MMP26: variants seen among roughly 807,000 people sequenced by gnomAD.
MMP26 encodes matrix metallopeptidase 26.
MMP26 carries 33 observed loss-of-function variants against 31.0 expected under a neutral mutation model. That is an observed-to-expected ratio of 1.06 (90% CI 0.81 to 1.42). The LOEUF (loss-of-function observed/expected upper bound fraction) is 1.42. Ranked by LOEUF, MMP26 falls within the 40% of genes most tolerant of loss-of-function variation. MMP26 has a pLI of 0.00. For synonymous variants in MMP26, 122 were observed against 114.9 expected, an observed-to-expected ratio of 1.06 and a Z score of -0.40; for missense variants, 347 against 316.1, an observed-to-expected ratio of 1.10 and a Z score of -0.74.
At chr11:4,710,017 T>C (rs776777024) in intron 1 of MMP26, 7 of 456,804 alleles carry the variant, frequency 1.5e-5, no homozygotes, top group South Asian at 1.1e-4. Context: ...GGCTTTGCAA[T>C]TGTTCTTAGG....
chr11:4,851,281 G>A (rs1849972235), intron 2 of MMP26, among the ~76,000 whole-genome samples: 1 of 152,200 alleles, frequency 6.6e-6, no homozygotes, highest in Non-Finnish European at 1.5e-5. Context: ...TCGTGAGGCA[G>A]CTTCCGTGAT....
At chr11:4,943,623 A>C (rs1187623360) in intron 2 of MMP26, 1 of 372,428 alleles carries the variant, frequency 2.7e-6, no homozygotes, top group East Asian at 7.4e-5. Context: ...CCACACCCCC[A>C]GGTTGCAACA....
At chr11:4,786,346 G>T (rs1848943700) in intron 2 of MMP26, among the ~76,000 whole-genome samples, 2 of 152,096 alleles carry the variant, frequency 1.3e-5, no homozygotes, top group African/African-American at 4.8e-5. Context: ...TGGAGACTTT[G>T]CCTGGTTCCC....
chr11:4,832,235 C>G (rs1307666381), intron 2 of MMP26: 1 of 191,516 alleles, frequency 5.2e-6, no homozygotes, highest in Non-Finnish European at 1.1e-5. Flanking sequence ...CCCCATCTGC[C>G]TTATGTACCT....
chr11:4,988,413 C>T (rs1239456590), intron 3 of MMP26, 103 bp downstream of exon 3: 3 of 842,120 alleles, frequency 3.6e-6, no homozygotes, highest in Non-Finnish European at 6.3e-6. Flanking sequence ...GATAAATACA[C>T]ACATTAATAT....
At chr11:4,940,895 C>G (rs900417926) in intron 2 of MMP26, among the ~76,000 whole-genome samples, 2 of 152,112 alleles carry the variant, frequency 1.3e-5, no homozygotes, top group African/African-American at 4.8e-5. Context: ...CAAAAGAGAT[C>G]AGATCATTAA....
chr11:4,773,807 G>A (rs1187183797), intron 2 of MMP26, among the ~76,000 whole-genome samples: 5 of 151,786 alleles, frequency 3.3e-5, no homozygotes, highest in East Asian at 1.9e-4. Context: ...ACCCCCTGAC[G>A]GGCCCCAGTG....
intron 2 of MMP26, among the ~76,000 whole-genome samples, chr11:4,800,478 C>T (rs575195391): frequency 2.0e-4 from 30 of 152,284 alleles, no homozygotes; most frequent in Middle Eastern, 3.4e-3. Flanking sequence ...GCCCCCAAAA[C>T]CATTTTTTTC....
At chr11:4,882,360 CA>C in intron 2 of MMP26, 1 of 1,613,852 alleles carries the variant, frequency 6.2e-7, no homozygotes, top group African/African-American at 1.3e-5. Flanking sequence ...TGCATTAGAC[CA>C]GCAGTTTTCT....
intron 2 of MMP26, among the ~76,000 whole-genome samples, chr11:4,970,923 A>G (rs769936514): frequency 2.0e-5 from 3 of 152,184 alleles, no homozygotes; most frequent in Non-Finnish European, 4.4e-5. Context: ...ATGCAACAGC[A>G]TGCGGCCTGG....
chr11:4,771,700 A>G (rs1848723274), intron 2 of MMP26, among the ~76,000 whole-genome samples: 1 of 152,222 alleles, frequency 6.6e-6, no homozygotes, highest in Admixed American at 6.5e-5. Flanking sequence ...AATATTCTGT[A>G]GCAAGGATAC....
At chr11:4,728,741 A>G (rs1265521713) in intron 1 of MMP26, among the ~76,000 whole-genome samples, 1 of 152,040 alleles carries the variant, frequency 6.6e-6, no homozygotes, top group East Asian at 1.9e-4. Context: ...GGTAAACACT[A>G]TTCTGAAAGT....
chr11:4,928,321 C>T (rs958316836), intron 2 of MMP26, among the ~76,000 whole-genome samples: 1 of 152,120 alleles, frequency 6.6e-6, no homozygotes, highest in African/African-American at 2.4e-5. Context: ...TTCTTCATTA[C>T]CATTGGCCAT....
chr11:4,848,986 T>C, intron 2 of MMP26: 1 of 1,614,048 alleles, frequency 6.2e-7, no homozygotes, highest in East Asian at 2.2e-5. Flanking sequence ...TCAGACACAC[T>C]AAGCAAGAAG....
At chr11:4,851,653 A>G (rs1849977291) in intron 2 of MMP26, among the ~76,000 whole-genome samples, 1 of 151,916 alleles carries the variant, frequency 6.6e-6, no homozygotes, top group Non-Finnish European at 1.5e-5. Flanking sequence ...ATATGTATGT[A>G]TATATATTAT....
rs543991424 is a variant in MMP26, at chr11:4,852,714, G to A, written c.-145+85373G>A. Among the ~76,000 whole-genome samples the A allele has an allele frequency of 2.2e-3, 331 of 152,174 alleles. 2 individuals carry two copies. Among genetic ancestry groups the A allele is most frequent in the Non-Finnish European group, 2.1e-3 (141 of 67,968 alleles). ...CATATTATTCAGCATTCCCACTTCT[G>A]GATATGTATTCAATGGAAAGAAAGC... On this transcript the variant is annotated intron_variant, in intron 2 of 7. Transcript: ENST00000380390.
chr11:4,726,531 AT>A (rs1380137397), intron 1 of MMP26, among the ~76,000 whole-genome samples: 2 of 152,144 alleles, frequency 1.3e-5, no homozygotes, highest in African/African-American at 4.8e-5. Flanking sequence ...CATTAAAATA[AT>A]AGCTAGTAAG....
At chr11:4,841,896 G>A (rs1165678382) in intron 2 of MMP26, among the ~76,000 whole-genome samples, 2 of 152,236 alleles carry the variant, frequency 1.3e-5, no homozygotes, top group Admixed American at 6.5e-5. Context: ...TCACGCCACT[G>A]CACTGCAGCC....
At chr11:4,720,628 G>A (rs563053555) in intron 1 of MMP26, among the ~76,000 whole-genome samples, 2 of 152,320 alleles carry the variant, frequency 1.3e-5, no homozygotes, top group East Asian at 1.9e-4. Context: ...TGGGAACAAA[G>A]AGAAGAGTTT....
Sources: gnomAD v4.1 joint callset for allele counts (sites outside exome capture counted in the v4.1 genomes callset) on GRCh38, gnomAD v4.1.1 for gene constraint, MANE v1.5 for transcripts, NCBI Gene and HGNC (gene_info 2026-07-23, HGNC 2026-07-21) for gene names.